The following ETS1 variants were observed in gnomAD, a reference collection of about 807,000 sequenced individuals.
ETS1 encodes the protein ETS proto-oncogene 1, transcription factor, also known as protein C-ets-1.
A neutral mutation model predicts 58.6 loss-of-function variants in ETS1; 15 were observed. The observed-to-expected ratio is 0.26, with a 90% CI of 0.17 to 0.39. ETS1 has a LOEUF of 0.39. ETS1 is among the 10% of genes least tolerant of loss of function. ETS1 has a pLI of 1.00. For synonymous variants in ETS1, 214 were observed against 218.2 expected (o/e 0.98, Z 0.17); for missense variants, 417 against 610.5 (o/e 0.68, Z 3.34).
intron 1 of ETS1, among the ~76,000 whole-genome samples, chr11:128,576,183 G>A (rs1406071021): frequency 1.3e-5 from 2 of 152,170 alleles, no homozygotes; most frequent in Non-Finnish European, 2.9e-5. Flanking sequence ...CTCGTCTCAG[G>A]AAATAACTCT....
At chr11:128,553,233 G>A (rs1864260141) in intron 3 of ETS1, among the ~76,000 whole-genome samples, 1 of 152,250 alleles carries the variant, frequency 6.6e-6, no homozygotes, top group East Asian at 1.9e-4. Flanking sequence ...GGAAGAGGCG[G>A]ACGGTAGGAG....
At chr11:128,528,089 C>T (rs762496903) in intron 3 of ETS1, among the ~76,000 whole-genome samples, 3 of 152,056 alleles carry the variant, frequency 2.0e-5, no homozygotes, top group South Asian at 2.1e-4. Context: ...AAGTGTAAGT[C>T]GAGGACAGAG....
chr11:128,541,951 A>C (rs1479337229), intron 3 of ETS1, among the ~76,000 whole-genome samples: 1 of 152,222 alleles, frequency 6.6e-6, no homozygotes, highest in Non-Finnish European at 1.5e-5. Flanking sequence ...AATGTGGAAG[A>C]TAAAGTCAAT....
At chr11:128,573,846 G>A (rs959596029) in intron 1 of ETS1, among the ~76,000 whole-genome samples, 6 of 152,096 alleles carry the variant, frequency 3.9e-5, no homozygotes, top group South Asian at 2.1e-4. Context: ...AAATACTTTC[G>A]AAAGTTCATT....
intron 2 of ETS1, among the ~76,000 whole-genome samples, chr11:128,558,600 G>A (rs755325004): frequency 7.4e-6 from 1 of 135,666 alleles, no homozygotes; most frequent in Non-Finnish European, 1.5e-5. Context: ...AGCCGAGATC[G>A]AGACCGTGCC....
chr11:128,483,278 A>G (rs140102965), intron 7 of ETS1, among the ~76,000 whole-genome samples: 81 of 152,294 alleles, frequency 5.3e-4, no homozygotes, highest in Admixed American at 1.7e-3. Flanking sequence ...ACCAAGAATG[A>G]AGAAAAGGAG....
intron 3 of ETS1, among the ~76,000 whole-genome samples, chr11:128,532,465 G>A (rs139617826): frequency 3.0e-3 from 464 of 152,310 alleles, no homozygotes; most frequent in Middle Eastern, 0.01. Flanking sequence ...CTAGTTGCCC[G>A]CTCCATTTTG....
chr11:128,466,089 T>C (rs1862026296), intron 8 of ETS1, among the ~76,000 whole-genome samples: 1 of 152,214 alleles, frequency 6.6e-6, no homozygotes, highest in South Asian at 2.1e-4. Flanking sequence ...TCACAGCAGT[T>C]GCAGGACACG....
At position 128,549,076 on chromosome 11, in the gene ETS1, C is replaced by G. The variant is rs1235501585; in HGVS notation, c.214+7215G>C. On this transcript the variant is annotated intron_variant, in intron 3 of 9. Transcript: ENST00000392668. The surrounding 1 kb of genome is among the most constrained non-coding windows in gnomAD (Gnocchi z 4.3). The stretch of plus-strand genomic sequence containing the variant: ...GGCCGCCTCCTCCAGCTGCAGGCTC[C>G]GGGCTGAGACCCCTGGCTGCAGTGC... 1.3e-5 allele frequency among the ~76,000 whole-genome samples: 2 copies of G among 152,196 alleles called. No homozygotes were observed. The highest frequency in any genetic ancestry group is 2.4e-5 in the African/African-American group (1 of 41,456).
chr11:128,567,076 A>G (rs1864518980), intron 2 of ETS1, among the ~76,000 whole-genome samples: 1 of 152,234 alleles, frequency 6.6e-6, no homozygotes, highest in South Asian at 2.1e-4. Flanking sequence ...GAATTGCCCA[A>G]AAGGTTTTGT....
intron 3 of ETS1, among the ~76,000 whole-genome samples, chr11:128,514,645 G>A (rs537073630): frequency 2.0e-5 from 3 of 152,284 alleles, no homozygotes; most frequent in East Asian, 1.9e-4. Context: ...TTTCATAAAT[G>A]TAAACACTGG....
chr11:128,521,854 AG>A, intron 3 of ETS1: 1 of 1,449,180 alleles, frequency 6.9e-7, no homozygotes. Context: ...GAAGAAGTCC[AG>A]GGGACCCCCG....
At chr11:128,516,906 A>G (rs1863540770) in intron 3 of ETS1, among the ~76,000 whole-genome samples, 1 of 152,150 alleles carries the variant, frequency 6.6e-6, no homozygotes, top group South Asian at 2.1e-4. Flanking sequence ...CAGCAACATC[A>G]GTGATGAAGG....
At chr11:128,574,857 T>C (rs1337004918) in intron 1 of ETS1, among the ~76,000 whole-genome samples, 5 of 152,252 alleles carry the variant, frequency 3.3e-5, no homozygotes, top group African/African-American at 7.2e-5. Context: ...GTTAACAACA[T>C]TGATTGTGTC....
intron 5 of ETS1, among the ~76,000 whole-genome samples, chr11:128,487,266 G>A (rs910964518): frequency 2.6e-5 from 4 of 152,188 alleles, no homozygotes; most frequent in Admixed American, 6.5e-5. Flanking sequence ...AGAATATTGG[G>A]TGGGAAGATA....
At chr11:128,583,572 C>T (rs1864917888) in intron 1 of ETS1, among the ~76,000 whole-genome samples, 1 of 151,994 alleles carries the variant, frequency 6.6e-6, no homozygotes, top group African/African-American at 2.4e-5. Flanking sequence ...GTTTTGGAAA[C>T]TTTTTGTACA....
chr11:128,556,254 C>T, intron 3 of ETS1, 37 bp downstream of exon 3: 1 of 1,575,468 alleles, frequency 6.3e-7, no homozygotes, highest in East Asian at 2.3e-5. Flanking sequence ...TGTCCTTCAA[C>T]TCTATCCTCA....
At chr11:128,500,982 A>G (rs1015006245) in intron 3 of ETS1, among the ~76,000 whole-genome samples, 1 of 152,192 alleles carries the variant, frequency 6.6e-6, no homozygotes, top group African/African-American at 2.4e-5. Flanking sequence ...ATTAGACACA[A>G]CGAGTTTAAA....
Position 128,463,694 on chromosome 11 carries a change from A to G in ETS1, c.1124-67T>C. On this transcript the variant is annotated intron_variant, in intron 8 of 9. Transcript: ENST00000392668. The surrounding 1 kb of genome is among the most constrained non-coding windows in gnomAD (Gnocchi z 4.1). ...AGCACTCTACGCAGCTAATCCCCAC[A>G]CACGGCACTCCCACATCCCTCTTCT... 7.0e-6 allele frequency: 6 copies of G among 855,572 alleles called. No individual in the cohort carries two copies. Among genetic ancestry groups the G allele is most frequent in the Non-Finnish European group, 1.0e-5 (5 of 497,732 alleles). The allele number at this position is 855,572 out of a possible 1,614,324, so 53.0% of individuals were successfully genotyped here.
Sources: gnomAD v4.1 joint callset for allele counts (sites outside exome capture counted in the v4.1 genomes callset) on GRCh38, gnomAD v4.1.1 for gene constraint, Gnocchi (gnomAD v3.1) non-coding constraint, MANE v1.5 for transcripts, NCBI Gene and HGNC (gene_info 2026-07-23, HGNC 2026-07-21) for gene names.